The following LUZP2 variants were observed in gnomAD, a reference collection of about 807,000 sequenced individuals.
LUZP2 encodes leucine zipper protein 2.
Under a neutral mutation model 51.6 loss-of-function variants are expected in LUZP2, and 52 were observed. The observed-to-expected ratio is 1.01, with a 90% CI of 0.81 to 1.27. The LOEUF is 1.27. Among genes scored for constraint, LUZP2 ranks in the 50% most tolerant of loss-of-function variants. The pLI is 0.00. For missense variants in LUZP2, 436 were observed against 395.4 expected, an observed-to-expected ratio of 1.10 and a Z score of -0.87; for synonymous variants, 154 against 137.3, an observed-to-expected ratio of 1.12 and a Z score of -0.85.
intron 5 of LUZP2, among the ~76,000 whole-genome samples, chr11:24,792,381 T>A (rs1447058483): frequency 6.6e-6 from 1 of 151,470 alleles, no homozygotes; most frequent in Middle Eastern, 3.2e-3. Flanking sequence ...GAGCCAAGAT[T>A]GCACCACTGC....
At chr11:24,625,616 C>G (rs1385815995) in intron 1 of LUZP2, among the ~76,000 whole-genome samples, 1 of 151,404 alleles carries the variant, frequency 6.6e-6, no homozygotes, top group Non-Finnish European at 1.5e-5. Flanking sequence ...TTACAAAGTT[C>G]AAATGCATTC....
At chr11:24,512,960 G>A (rs959445348) in intron 1 of LUZP2, among the ~76,000 whole-genome samples, 28 of 152,190 alleles carry the variant, frequency 1.8e-4, no homozygotes, top group Admixed American at 1.4e-3. Flanking sequence ...GTTTCACCAC[G>A]TTGCCCAGGC....
chr11:25,051,647 G>A (rs1858519461), intron 10 of LUZP2, among the ~76,000 whole-genome samples: 1 of 152,106 alleles, frequency 6.6e-6, no homozygotes. Flanking sequence ...AGAATGAGGG[G>A]CCCTGGATTC....
chr11:24,634,632 CAA>C (rs5790423), intron 1 of LUZP2, among the ~76,000 whole-genome samples: 2,731 of 140,948 alleles, frequency 0.019, 51 homozygotes, highest in African/African-American at 0.049. Flanking sequence ...TTTATAACTT[CAA>C]AAAAAAAAAA....
intron 5 of LUZP2, among the ~76,000 whole-genome samples, chr11:24,791,957 CT>C (rs34035344): frequency 0.014 from 2,026 of 144,702 alleles, 22 homozygotes; most frequent in Admixed American, 0.021. Flanking sequence ...TAGTGAGAGT[CT>C]TTTTTTTTTT....
chr11:24,729,512 C>T (rs1476680215), intron 2 of LUZP2, among the ~76,000 whole-genome samples: 4 of 151,874 alleles, frequency 2.6e-5, no homozygotes, highest in African/African-American at 9.7e-5. Flanking sequence ...CTTGGCAGAG[C>T]CATCAATTCC....
chr11:24,503,214 C>G (rs569662557), intron 1 of LUZP2, among the ~76,000 whole-genome samples: 4 of 150,916 alleles, frequency 2.7e-5, no homozygotes, highest in Non-Finnish European at 4.5e-5. Flanking sequence ...TATGTAATAA[C>G]ATTCTGACTA....
Position 25,054,705 on chromosome 11 carries a change from G to A in LUZP2, c.858+4575G>A, listed in dbSNP as rs112188655. Among the ~76,000 whole-genome samples, 379 of 151,434 alleles carry A rather than the reference G, an allele frequency of 2.5e-3. 1 individual carries two copies. The highest frequency in any genetic ancestry group is 8.9e-3 in the African/African-American group (366 of 41,280). On this transcript the variant is annotated intron_variant, in intron 10 of 11. Transcript: ENST00000336930. ...CCTTATGCTAATACCGTATTTTCTT[G>A]TTTTGATTTTTATTTTTAATTTTAG...
intron 5 of LUZP2, among the ~76,000 whole-genome samples, chr11:24,900,900 A>T (rs1853259651): frequency 6.6e-6 from 1 of 152,102 alleles, no homozygotes; most frequent in African/African-American, 2.4e-5. Context: ...TTTGTCTAAG[A>T]TTTTCCCTTT....
At chr11:24,896,880 C>G (rs560194516) in intron 5 of LUZP2, among the ~76,000 whole-genome samples, 4 of 152,164 alleles carry the variant, frequency 2.6e-5, no homozygotes, top group African/African-American at 4.8e-5. Context: ...CTGTATCTAG[C>G]TAATCTGGTG....
At chr11:25,024,535 T>G (rs555769867) in intron 9 of LUZP2, among the ~76,000 whole-genome samples, 9 of 152,118 alleles carry the variant, frequency 5.9e-5, no homozygotes, top group African/African-American at 1.9e-4. Flanking sequence ...CATGAGTGAA[T>G]TCCCATTTAC....
intron 3 of LUZP2, among the ~76,000 whole-genome samples, chr11:24,737,040 T>C (rs73440922): frequency 0.056 from 8,529 of 152,074 alleles, 769 homozygotes; most frequent in African/African-American, 0.19. Context: ...GGCAGCCCCA[T>C]TAAGTCCTGC....
chr11:24,612,785 G>A (rs925018554), intron 1 of LUZP2, among the ~76,000 whole-genome samples: 1 of 152,054 alleles, frequency 6.6e-6, no homozygotes, highest in Non-Finnish European at 1.5e-5. Context: ...CAGATTATAA[G>A]AGACATTTTA....
chr11:24,794,442 G>T (rs1420316353), intron 5 of LUZP2, among the ~76,000 whole-genome samples: 1 of 152,124 alleles, frequency 6.6e-6, no homozygotes, highest in Non-Finnish European at 1.5e-5. Context: ...TTTTCAGAAT[G>T]GCTGTGATTG....
chr11:24,661,538 T>C (rs1440521772), intron 1 of LUZP2, among the ~76,000 whole-genome samples: 1 of 152,212 alleles, frequency 6.6e-6, no homozygotes, highest in Non-Finnish European at 1.5e-5. Flanking sequence ...TGAACCTTTC[T>C]GCTCCATTCT....
intron 1 of LUZP2, among the ~76,000 whole-genome samples, chr11:24,535,113 T>G (rs1231312666): frequency 2.1e-5 from 3 of 143,538 alleles, no homozygotes; most frequent in Non-Finnish European, 3.1e-5. Flanking sequence ...ATGTCTAGGG[T>G]TAATTAAAAA....
intron 1 of LUZP2, among the ~76,000 whole-genome samples, chr11:24,660,532 T>C (rs146253350): frequency 1.0e-3 from 157 of 152,276 alleles, no homozygotes; most frequent in African/African-American, 3.5e-3. Flanking sequence ...CCAACTGAAT[T>C]CACTGATATC....
At chr11:24,859,829 G>A (rs1036106519) in intron 5 of LUZP2, among the ~76,000 whole-genome samples, 1 of 152,216 alleles carries the variant, frequency 6.6e-6, no homozygotes, top group African/African-American at 2.4e-5. Context: ...CCACTGAACT[G>A]TGCAACCCAT....
At chr11:24,726,454 C>A (rs995796739) in intron 1 of LUZP2, among the ~76,000 whole-genome samples, 1 of 151,342 alleles carries the variant, frequency 6.6e-6, no homozygotes, top group Middle Eastern at 3.2e-3. Context: ...TACTAAATAC[C>A]CACAAAAATT....
Sources: allele counts gnomAD v4.1 joint callset (sites outside exome capture counted in the v4.1 genomes callset), GRCh38; gene constraint gnomAD v4.1.1; transcripts MANE v1.5; gene names NCBI Gene and HGNC (gene_info 2026-07-23, HGNC 2026-07-21).